ALOX15: variants seen among roughly 807,000 people sequenced by gnomAD.
ALOX15 encodes polyunsaturated fatty acid lipoxygenase ALOX15.
A neutral mutation model predicts 71.7 loss-of-function variants in ALOX15; 68 were observed. The observed-to-expected ratio is 0.95, with a 90% CI of 0.78 to 1.16. The LOEUF is 1.16. ALOX15 is among the 50% of genes most tolerant of loss of function. ALOX15 has a pLI of 0.00. For missense variants in ALOX15, 798 were observed against 818.8 expected (o/e 0.97, Z 0.31); for synonymous variants, 346 against 333.3 (o/e 1.04, Z -0.42).
Position 4,631,916 on chromosome 17 carries a change from C to T in ALOX15, c.1782G>A (p.Trp594Ter), listed in dbSNP as rs1444587939. 7 of 1,613,114 alleles carry T rather than the reference C, an allele frequency of 4.3e-6. No homozygotes were observed. In the Admixed American group the frequency reaches 5.0e-5, roughly 12 times the overall value. The change falls in exon 13 of 14, where the codon TGG becomes TGA. Residue 594 changes from tryptophan to a stop codon, truncating the protein, a stop_gained. Transcript: ENST00000293761. LOFTEE classifies it low-confidence loss of function (END_TRUNC). ...HQASLQMSIT[W>*]QLGRRQPVMV... ...TAACGGGCTGGCGTCTGCCCAGCTGCCAAGTGATGGACATCTGGAGAGAAG... is the reference window on the plus strand; with the variant it reads ...TAACGGGCTGGCGTCTGCCCAGCTGTCAAGTGATGGACATCTGGAGAGAAG...
intron 8 of ALOX15, among the ~76,000 whole-genome samples, chr17:4,633,929 A>G (rs1330511015): frequency 6.6e-6 from 1 of 152,194 alleles, no homozygotes; most frequent in East Asian, 1.9e-4. Flanking sequence ...CTAACACTGG[A>G]ACAGAAAGCC....
At chr17:4,634,900 C>T (rs571309768) in intron 8 of ALOX15, among the ~76,000 whole-genome samples, 1 of 151,770 alleles carries the variant, frequency 6.6e-6, no homozygotes, top group East Asian at 1.9e-4. Flanking sequence ...ATTGCTTGAA[C>T]CCAGGAGGCA....
At position 4,633,501 on chromosome 17, in the gene ALOX15, C is replaced by G; in HGVS notation, c.1162-1G>C. 3 of 1,613,428 alleles carry G rather than the reference C, an allele frequency of 1.9e-6. No individual in the cohort carries two copies. In the South Asian group the frequency reaches 3.3e-5, roughly 18 times the overall value. ...TGTATCGCAGGTGGGGAATTATAAGCTAGAGGGAGAAACACAGGGAAGGGC... is the reference window on the plus strand; with the variant it reads ...TGTATCGCAGGTGGGGAATTATAAGGTAGAGGGAGAAACACAGGGAAGGGC... On this transcript the variant is annotated splice_acceptor_variant, in intron 8 of 13. Transcript: ENST00000293761. LOFTEE classifies it high-confidence loss of function.
chr17:4,635,725 G>A (rs760368855), intron 8 of ALOX15, 34 bp downstream of exon 8: 3 of 1,609,160 alleles, frequency 1.9e-6, no homozygotes, highest in Admixed American at 3.3e-5. Flanking sequence ...GGCAGAGATA[G>A]TGGCAGGCAA....
Position 4,635,035 on chromosome 17 carries a change from C to T in ALOX15, c.1161+724G>A, listed in dbSNP as rs567264577. Among the ~76,000 whole-genome samples, 24 of 151,786 alleles carry T rather than the reference C, an allele frequency of 1.6e-4. No homozygotes were observed. The Middle Eastern group carries it at 0.01, about 65-fold the overall frequency. Reference sequence around the variant, plus strand: ...CTTCATCCCTTGGGGGACATTGTGCCCCCACTGAGAATGGATGTTCTAACC... The same window carrying T: ...CTTCATCCCTTGGGGGACATTGTGCTCCCACTGAGAATGGATGTTCTAACC... On this transcript the variant is annotated intron_variant, in intron 8 of 13. Coordinates refer to ENST00000293761, the MANE Select transcript of ALOX15 (RefSeq NM_001140.5).
intron 2 of ALOX15, 91 bp downstream of exon 2, chr17:4,639,339 C>G (rs2150538232): frequency 1.3e-6 from 2 of 1,524,344 alleles, no homozygotes; most frequent in South Asian, 2.4e-5. Flanking sequence ...GGTTCCAGCA[C>G]CCCCATCCTG....
rs1597431100 is a variant in ALOX15 at position 4,635,957 on chromosome 17, G to A, written c.963C>T (p.Pro321=). ...GGGGAGGTGGTGGGGATCCTGTGCG[G>A]GGCAGCTGGAGCTGGAGCAGGGACA... is the stretch of plus-strand genomic sequence containing the variant. ...LLPMVIQLQL[P]RTGSPPPPLF... The change falls in exon 8 of 14, where the codon CCC becomes CCT. Residue 321 remains proline, a synonymous_variant. Coordinates refer to ENST00000293761, the MANE Select transcript of ALOX15 (RefSeq NM_001140.5). The A allele has an allele frequency of 1.2e-6, 2 of 1,613,742 alleles. No individual in the cohort carries two copies. Among genetic ancestry groups the A allele is most frequent in the Non-Finnish European group, 1.7e-6 (2 of 1,180,034 alleles).
intron 7 of ALOX15, 53 bp from the exon 8 acceptor site, chr17:4,636,021 G>A (rs369695864): frequency 8.3e-6 from 13 of 1,559,358 alleles, no homozygotes; most frequent in African/African-American, 5.4e-5. Context: ...GGCACTCAGC[G>A]ATTCCCGCCC....
intron 8 of ALOX15, among the ~76,000 whole-genome samples, 163 bp from the exon 9 acceptor site, chr17:4,633,663 C>T (rs1228979755): frequency 6.6e-6 from 1 of 152,156 alleles, no homozygotes; most frequent in African/African-American, 2.4e-5. Flanking sequence ...CCATTCAACC[C>T]AGCAATCCCA....
rs1183287456 is a variant in ALOX15 at position 4,631,761 on chromosome 17, C to CA, written c.1827dup (p.Glu610Ter). 1 of 1,613,998 alleles carries CA rather than the reference C, an allele frequency of 6.2e-7. No individual in the cohort carries two copies. The highest frequency in any genetic ancestry group is 8.5e-7 in the Non-Finnish European group (1 of 1,180,028). The stretch of plus-strand genomic sequence containing the variant: ...TCAGGGCCCGAAAAATACTCCTCCT[C>CA]ATGCTGGCCCACAGCCACCTGGGAG... On this transcript the variant is annotated frameshift_variant, in exon 14 of 14. Coordinates refer to ENST00000293761, the MANE Select transcript of ALOX15 (RefSeq NM_001140.5). LOFTEE classifies it low-confidence loss of function (END_TRUNC).
chr17:4,636,967 C>T lies in ALOX15; in HGVS notation c.951+148G>A, dbSNP rs1247973278. The T allele has an allele frequency of 1.8e-5, 18 of 984,738 alleles. No homozygotes were observed. The Admixed American group carries it at 3.2e-4, about 17-fold the overall frequency. 61.0% of individuals were successfully genotyped at this position (984,738 alleles called of 1,614,324 possible). A position where few individuals can be genotyped will look rare whatever the true frequency, so the allele number is the denominator to read the frequency against. On this transcript the variant is annotated intron_variant, in intron 7 of 13. Transcript: ENST00000293761. ...CTCTCCAGCTACACTGCAAGGCCTT[C>T]GAATAGAGACTTGGCGCATTTCCTC...
At chr17:4,632,682 G>A (rs889043638) in intron 11 of ALOX15, among the ~76,000 whole-genome samples, 179 bp downstream of exon 11, 2 of 152,194 alleles carry the variant, frequency 1.3e-5, no homozygotes, top group African/African-American at 4.8e-5. Context: ...GCACCTAGAG[G>A]TTCTCAGTGT....
At chr17:4,638,746 C>T in intron 4 of ALOX15, 62 bp from the exon 5 acceptor site, 1 of 1,613,294 alleles carries the variant, frequency 6.2e-7, no homozygotes, top group East Asian at 2.2e-5. Flanking sequence ...ATGACGACCA[C>T]AGGCACCGAT....
At chr17:4,632,302 T>C (rs759820341) in intron 11 of ALOX15, 21 bp from the exon 12 acceptor site, 4 of 1,606,146 alleles carry the variant, frequency 2.5e-6, no homozygotes, top group Admixed American at 1.7e-5. Context: ...TGAAGAGAGT[T>C]AGAAGCTGCG....
rs548580389 is a variant in ALOX15, at chr17:4,632,947, G to A, written c.1454C>T (p.Thr485Ile). Reference sequence around the variant, plus strand: ...TGGGTCGTCTTTCACAGCCACGTCTGTCTTATAGTGGAGACTCACGATTCC... The same window carrying A: ...TGGGTCGTCTTTCACAGCCACGTCTATCTTATAGTGGAGACTCACGATTCC... ...VEGIVSLHYKTDVAVKDDPEL... is the reference protein window; with the variant it reads ...VEGIVSLHYKIDVAVKDDPEL... The change falls in exon 11 of 14, where the codon ACA (threonine) becomes ATA (isoleucine). Residue 485 changes from threonine to isoleucine, a missense_variant. Thr to Ile is a moderately conservative substitution (Grantham distance 89). Transcript: ENST00000293761. 4 of 1,614,132 alleles carry A rather than the reference G, an allele frequency of 2.5e-6. No individual in the cohort carries two copies. Among genetic ancestry groups the A allele is most frequent in the East Asian group, 4.5e-5 (2 of 44,870 alleles).
intron 8 of ALOX15, among the ~76,000 whole-genome samples, chr17:4,634,753 C>T (rs1434588181): frequency 8.6e-5 from 13 of 151,604 alleles, no homozygotes; most frequent in African/African-American, 1.5e-4. Flanking sequence ...CCGAGGTGGG[C>T]GGATCACCTG....
intron 11 of ALOX15, among the ~76,000 whole-genome samples, 186 bp from the exon 12 acceptor site, chr17:4,632,467 CA>C (rs1376949916): frequency 1.3e-5 from 2 of 152,260 alleles, no homozygotes; most frequent in African/African-American, 2.4e-5. Flanking sequence ...GGGTCCCACT[CA>C]GTGGGGTGCT....
intron 9 of ALOX15, 45 bp downstream of exon 9, chr17:4,633,369 G>A (rs767960573): frequency 6.2e-7 from 1 of 1,611,618 alleles, no homozygotes; most frequent in Non-Finnish European, 8.5e-7. Context: ...TGAATCCAGA[G>A]CTGGAAAAAA....
chr17:4,639,048 C>T lies in ALOX15; in HGVS notation c.419+3G>A, dbSNP rs1567648761. The T allele has an allele frequency of 1.2e-6, 2 of 1,614,210 alleles. No homozygotes were observed. The highest frequency in any genetic ancestry group is 1.7e-6 in the Non-Finnish European group (2 of 1,180,034). ...CACGTGGGGTCAGGGGAGGAGGGCT[C>T]ACCGGTACAACTTCCTTCTCTCTTC... is the stretch of plus-strand genomic sequence containing the variant. On this transcript the variant is annotated splice_donor_region_variant and intron_variant, in intron 3 of 13. Coordinates refer to ENST00000293761, the MANE Select transcript of ALOX15 (RefSeq NM_001140.5).
Sources: allele counts gnomAD v4.1 joint callset (sites outside exome capture counted in the v4.1 genomes callset), GRCh38; gene constraint gnomAD v4.1.1; transcripts MANE v1.5; gene names NCBI Gene and HGNC (gene_info 2026-07-23, HGNC 2026-07-21).